Variants in MARCHF4 observed in about 807,000 individuals in gnomAD.
MARCHF4 encodes the protein E3 ubiquitin-protein ligase MARCHF4.
Under a neutral mutation model 43.9 loss-of-function variants are expected in MARCHF4, and 14 were observed. The ratio of observed to expected loss-of-function variants is 0.32; its 90% CI spans 0.21 to 0.50. MARCHF4 has a LOEUF of 0.50. Among genes scored for constraint, MARCHF4 ranks in the 20% least tolerant of loss-of-function variants. The pLI is 0.98. For synonymous variants in MARCHF4, 226 were observed against 213.3 expected, an observed-to-expected ratio of 1.06 and a Z score of -0.52; for missense variants, 468 against 536.7, an observed-to-expected ratio of 0.87 and a Z score of 1.27.
intron 1 of MARCHF4, among the ~76,000 whole-genome samples, chr2:216,368,263 G>A (rs887780460): frequency 7.2e-5 from 11 of 152,192 alleles, no homozygotes; most frequent in Admixed American, 2.0e-4. Context: ...CCCTCTTGTT[G>A]TCAGCCGAGC....
chr2:216,370,021 CG>C lies in MARCHF4; in HGVS notation c.239del (p.Pro80ArgfsTer79). 1 of 1,544,396 alleles carries C rather than the reference CG, an allele frequency of 6.5e-7. No individual in the cohort carries two copies. The highest frequency in any genetic ancestry group is 8.8e-7 in the Non-Finnish European group (1 of 1,141,760). On this transcript the variant is annotated frameshift_variant, in exon 1 of 4. Transcript: ENST00000273067. LOFTEE classifies it high-confidence loss of function. ...CTGCCCACCCCCCGGCGCCCAGAGC[CG>C]GAAGGGTGTTGTTGGCCGCCAAACC... is the stretch of plus-strand genomic sequence containing the variant. ...PPGLAANNTLPALGAGGWAGW... is the reference protein window; with the variant it reads ...PPGLAANNTLXALGAGGWAGW...
At chr2:216,328,615 G>T (rs1436520685) in intron 1 of MARCHF4, among the ~76,000 whole-genome samples, 1 of 152,188 alleles carries the variant, frequency 6.6e-6, no homozygotes, top group Non-Finnish European at 1.5e-5. Context: ...TTTACTAGTT[G>T]TTTGTGGAAA....
intron 1 of MARCHF4, among the ~76,000 whole-genome samples, chr2:216,366,866 A>G (rs947935292): frequency 6.6e-6 from 1 of 152,096 alleles, no homozygotes; most frequent in Non-Finnish European, 1.5e-5. Context: ...AATCTCATCT[A>G]TTTTGTTCAC....
Position 216,355,335 on chromosome 2 carries a change from T to C in MARCHF4, c.516+14410A>G, listed in dbSNP as rs565397828. ...CAATATGGAAACTTTCAAGCACATA[T>C]AAAAGTAGAGAGAAAATCAGAATAA... On this transcript the variant is annotated intron_variant, in intron 1 of 3. Transcript: ENST00000273067. Among the ~76,000 whole-genome samples the C allele has an allele frequency of 3.3e-5, 5 of 152,142 alleles. No individual in the cohort carries two copies. The South Asian group carries it at 1.0e-3, about 32-fold the overall frequency.
intron 3 of MARCHF4, among the ~76,000 whole-genome samples, chr2:216,263,513 G>GAAAGAGAGAA (rs1559280539): frequency 8.9e-6 from 1 of 112,314 alleles, no homozygotes; most frequent in African/African-American, 3.7e-5. Flanking sequence ...GAGAGAGAGA[G>GAAAGAGAGAA]AGAGAGAGAG....
At chr2:216,369,713 C>T (rs772113475) in intron 1 of MARCHF4, 32 bp downstream of exon 1, 31 of 1,518,518 alleles carry the variant, frequency 2.0e-5, no homozygotes, top group Non-Finnish European at 2.3e-5. Flanking sequence ...GAAAATACCA[C>T]AGGAAGCAGG....
chr2:216,283,838 C>T (rs1691175471), intron 1 of MARCHF4, 109 bp from the exon 2 acceptor site: 2 of 1,218,152 alleles, frequency 1.6e-6, no homozygotes, highest in East Asian at 5.1e-5. Flanking sequence ...CCCAAGTAGG[C>T]CACAGGCTTT....
chr2:216,326,485 C>A lies in MARCHF4; in HGVS notation c.517-42756G>T, dbSNP rs1691993873. Among the ~76,000 whole-genome samples the A allele has an allele frequency of 1.3e-5, 2 of 151,066 alleles. 1 individual carries two copies. Among genetic ancestry groups the A allele is most frequent in the African/African-American group, 4.9e-5 (2 of 40,894 alleles). ...GGTATATACCCAAAGGACTATAAAT[C>A]ATGCTGCTTTAAAGACACATGCACA... is the stretch of plus-strand genomic sequence containing the variant. On this transcript the variant is annotated intron_variant, in intron 1 of 3. Coordinates refer to ENST00000273067, the MANE Select transcript of MARCHF4 (RefSeq NM_020814.3).
chr2:216,330,482 T>C lies in MARCHF4; in HGVS notation c.516+39263A>G, dbSNP rs74407007. On this transcript the variant is annotated intron_variant, in intron 1 of 3. Transcript: ENST00000273067. ...TCAGACAAAAAAATTAACGAGGATA[T>C]GAAAGATCTGAAAAACAAAATTGAC... Among the ~76,000 whole-genome samples the C allele has an allele frequency of 2.1e-3, 315 of 152,246 alleles. 2 individuals carry two copies. Among genetic ancestry groups the C allele is most frequent in the African/African-American group, 7.4e-3 (309 of 41,536 alleles).
At chr2:216,271,957 A>ATTTTTTTTTTTTTTTT (rs57629851) in intron 3 of MARCHF4, among the ~76,000 whole-genome samples, 1 of 100,602 alleles carries the variant, frequency 9.9e-6, no homozygotes, top group African/African-American at 4.1e-5. Flanking sequence ...CACCTGGCTA[A>ATTTTTTTTTTTTTTTT]TTTTTTTTTT....
chr2:216,340,114 A>G (rs1023974311), intron 1 of MARCHF4, among the ~76,000 whole-genome samples: 4 of 152,046 alleles, frequency 2.6e-5, no homozygotes, highest in Non-Finnish European at 4.4e-5. Context: ...CCCAAACAAA[A>G]GAAACAGGAA....
At chr2:216,317,924 T>C (rs1691808227) in intron 1 of MARCHF4, among the ~76,000 whole-genome samples, 1 of 152,226 alleles carries the variant, frequency 6.6e-6, no homozygotes. Flanking sequence ...GCCAGCTGTC[T>C]GACACTGAGA....
chr2:216,367,929 C>T (rs1044546997), intron 1 of MARCHF4, among the ~76,000 whole-genome samples: 7 of 152,108 alleles, frequency 4.6e-5, no homozygotes, highest in South Asian at 2.1e-4. Context: ...TCCCAACACA[C>T]CTCTGAGGAA....
At chr2:216,263,482 A>G (rs1690778552) in intron 3 of MARCHF4, among the ~76,000 whole-genome samples, 1 of 136,658 alleles carries the variant, frequency 7.3e-6, no homozygotes, top group Non-Finnish European at 1.6e-5. Context: ...AGAGAGAAAG[A>G]AGGAGAGAGA....
intron 1 of MARCHF4, chr2:216,351,548 AAGCTGGTGCAGTTC>A (rs1229424983): frequency 6.6e-6 from 1 of 152,210 alleles, no homozygotes; most frequent in Non-Finnish European, 1.5e-5. Context: ...TAAAAAGAAG[AAGCTGGTGCAGTTC>A]AGCCAAGGGG....
intron 1 of MARCHF4, among the ~76,000 whole-genome samples, chr2:216,326,866 A>G (rs973567311): frequency 7.2e-5 from 11 of 151,812 alleles, no homozygotes; most frequent in Non-Finnish European, 1.5e-4. Context: ...ATGCTAGATG[A>G]CGAGTTAGTG....
chr2:216,323,008 T>C (rs1485113589), intron 1 of MARCHF4, among the ~76,000 whole-genome samples: 1 of 152,208 alleles, frequency 6.6e-6, no homozygotes, highest in Non-Finnish European at 1.5e-5. Context: ...GAAGAACCTT[T>C]TTCCTCTTGT....
intron 1 of MARCHF4, among the ~76,000 whole-genome samples, chr2:216,339,162 G>A (rs912895001): frequency 1.3e-5 from 2 of 152,192 alleles, no homozygotes; most frequent in African/African-American, 4.8e-5. Flanking sequence ...TAGTTTGAGA[G>A]GACAGACCTA....
chr2:216,298,420 C>T (rs915627344), intron 1 of MARCHF4, among the ~76,000 whole-genome samples: 2 of 151,952 alleles, frequency 1.3e-5, no homozygotes, highest in African/African-American at 4.8e-5. Context: ...TGTGTGCCAC[C>T]ACGCTCAGCT....
Sources: allele counts gnomAD v4.1 joint callset (sites outside exome capture counted in the v4.1 genomes callset), GRCh38; gene constraint gnomAD v4.1.1; transcripts MANE v1.5; gene names NCBI Gene and HGNC (gene_info 2026-07-23, HGNC 2026-07-21).